Variants in MRPL44 observed in about 807,000 individuals in gnomAD.
The protein encoded by MRPL44 is mitochondrial ribosomal protein L44, also known as large ribosomal subunit protein mL44.
Under a neutral mutation model 25.9 loss-of-function variants are expected in MRPL44, and 21 were observed. The observed-to-expected ratio is 0.81, with a 90% CI of 0.58 to 1.17. The LOEUF (loss-of-function observed/expected upper bound fraction) is 1.17. Ranked by LOEUF, MRPL44 falls within the 50% of genes most tolerant of loss-of-function variation. The probability of loss-of-function intolerance (pLI) is 0.00; values close to 1 mark genes in which losing one functional copy is unlikely to be tolerated. For missense variants in MRPL44, 410 were observed against 398.9 expected (o/e 1.03, Z -0.24); for synonymous variants, 169 against 151.0 (o/e 1.12, Z -0.87).
upstream of MRPL44, chr2:223,957,325 C>T (rs527986503): frequency 7.2e-6 from 7 of 968,118 alleles, no homozygotes; most frequent in Admixed American, 6.3e-5. Flanking sequence ...TGTCTCCGCC[C>T]CTGCCCTCTC....
Position 223,959,852 on chromosome 2 carries a change from G to C in MRPL44, c.498G>C (p.Val166=). Reference sequence around the variant, plus strand: ...ACTTTCTCACTGGTGAGGAAGTCGTGTGTCACGTGGCTAGAAACTTGGCTG... The same window carrying C: ...ACTTTCTCACTGGTGAGGAAGTCGTCTGTCACGTGGCTAGAAACTTGGCTG... The part of the protein sequence containing the change: ...LVDFLTGEEV[V]CHVARNLAVE... The change falls in exon 2 of 4, where the codon GTG becomes GTC. Residue 166 remains valine (V), a synonymous_variant. Coordinates refer to ENST00000258383, the MANE Select transcript of MRPL44 (RefSeq NM_022915.5). The C allele has an allele frequency of 3.1e-6, 5 of 1,614,214 alleles. No homozygotes were observed. The highest frequency in any genetic ancestry group is 4.2e-6 in the Non-Finnish European group (5 of 1,180,038).
the MRPL44 span, among the ~76,000 whole-genome samples, chr2:223,952,389 GGTACCATCT>G: frequency 6.6e-6 from 1 of 152,120 alleles, no homozygotes; most frequent in Non-Finnish European, 1.5e-5. Flanking sequence ...CTTGTGCTCT[GGTACCATCT>G]GTTCCCTTTG....
In MRPL44 at chr2:223,963,903, G is replaced by T. The variant is rs1206293594; in HGVS notation, c.796G>T (p.Ala266Ser). 1 of 1,613,216 alleles carries T rather than the reference G, an allele frequency of 6.2e-7. No individual in the cohort carries two copies. ...RLTRQSGGTT[A>S]LPLYFVGLYC... Reference sequence around the variant, plus strand: ...TACTAGGCAGTCTGGTGGCACCACAGCTTTGCCTTTGTATTTTGTTGGCTT... The same window carrying T: ...TACTAGGCAGTCTGGTGGCACCACATCTTTGCCTTTGTATTTTGTTGGCTT... The change falls in exon 3 of 4, where the codon GCT (alanine) becomes TCT (serine). Residue 266 changes from alanine (A) to serine (S), a missense_variant. By Grantham distance (99) the Ala-to-Ser change is moderately conservative. Coordinates refer to ENST00000258383, the MANE Select transcript of MRPL44 (RefSeq NM_022915.5).
chr2:223,960,898 A>G (rs900316594), intron 2 of MRPL44, among the ~76,000 whole-genome samples: 24 of 152,228 alleles, frequency 1.6e-4, no homozygotes, highest in African/African-American at 5.3e-4. Flanking sequence ...TCATGAAACT[A>G]TGTTGGAAAT....
chr2:223,958,301 C>T (rs1293529619), intron 1 of MRPL44, among the ~76,000 whole-genome samples: 1 of 152,114 alleles, frequency 6.6e-6, no homozygotes, highest in East Asian at 1.9e-4. Context: ...CTATGAGCTC[C>T]ATATTATTGC....
chr2:223,960,992 G>C (rs1224764075), intron 2 of MRPL44, among the ~76,000 whole-genome samples: 1 of 152,180 alleles, frequency 6.6e-6, no homozygotes, highest in Admixed American at 6.5e-5. Context: ...TGTCTAAGTT[G>C]AGCTTTGATG....
At position 223,957,560 on chromosome 2, in the gene MRPL44, G is replaced by C. The variant is rs1175756810; in HGVS notation, c.88G>C (p.Gly30Arg). 1 of 1,613,870 alleles carries C rather than the reference G, an allele frequency of 6.2e-7. No homozygotes were observed. The highest frequency in any genetic ancestry group is 1.3e-5 in the African/African-American group (1 of 74,956). The change falls in exon 1 of 4, where the codon GGA becomes CGA. Residue 30 changes from glycine to arginine, a missense_variant. Gly to Arg is a moderately radical substitution (Grantham distance 125). Coordinates refer to ENST00000258383, the MANE Select transcript of MRPL44 (RefSeq NM_022915.5). The part of the protein sequence containing the change: ...VAPKLVPPVR[G>R]VKKGFRAAFR... ...CCCCAAGCTGGTCCCTCCGGTTCGG[G>C]GAGTGAAGAAGGGATTCCGCGCCGC... is the stretch of plus-strand genomic sequence containing the variant.
upstream of MRPL44, chr2:223,957,354 G>A: frequency 6.8e-6 from 9 of 1,332,396 alleles, no homozygotes; most frequent in South Asian, 1.1e-4. Flanking sequence ...CCCGCCCCGG[G>A]GGCTGTCTCC....
intron 2 of MRPL44, among the ~76,000 whole-genome samples, chr2:223,960,792 A>G (rs935341690): frequency 1.7e-4 from 26 of 152,344 alleles, no homozygotes; most frequent in African/African-American, 6.0e-4. Context: ...AGAAATTCTG[A>G]CAAAGTCCTT....
chr2:223,956,837 A>C (rs200534807), upstream of MRPL44, among the ~76,000 whole-genome samples: 2 of 136,896 alleles, frequency 1.5e-5, no homozygotes, highest in Admixed American at 1.4e-4. Flanking sequence ...GTTAACATAA[A>C]GAAGGAAGAA....
At chr2:223,959,392 A>T (rs1325538815) in intron 1 of MRPL44, 142 bp from the exon 2 acceptor site, 1 of 658,254 alleles carries the variant, frequency 1.5e-6, no homozygotes, top group African/African-American at 1.8e-5. Context: ...AACATTTAGA[A>T]TATCAACCTG....
intron 3 of MRPL44, among the ~76,000 whole-genome samples, chr2:223,966,129 A>G (rs1421340124): frequency 1.3e-5 from 2 of 152,012 alleles, no homozygotes; most frequent in African/African-American, 2.4e-5. Context: ...CCAGCTACTC[A>G]GGAGGCTGAG....
At chr2:223,959,445 A>G (rs1689621370) in intron 1 of MRPL44, 89 bp from the exon 2 acceptor site, 1 of 984,556 alleles carries the variant, frequency 1.0e-6, no homozygotes. Context: ...CCTTTATATA[A>G]TTAATAACAT....
At chr2:223,957,302 C>A, upstream of MRPL44, 1 of 748,110 alleles carries the variant, frequency 1.3e-6, no homozygotes, top group Non-Finnish European at 2.2e-6. Flanking sequence ...CCGCAATCAC[C>A]CCGCCCCGGG....
chr2:223,959,812 TA>T lies in MRPL44; in HGVS notation c.464del (p.Asn155IlefsTer24), dbSNP rs1363190274. On this transcript the variant is annotated frameshift_variant, in exon 2 of 4. Transcript: ENST00000258383. LOFTEE classifies it high-confidence loss of function. Reference sequence around the variant, plus strand: ...TACCCAGACATGCCCACTGAAGGCATAAAAAATCTTGTTGACTTTCTCACTG... The same window carrying T: ...TACCCAGACATGCCCACTGAAGGCATAAAAATCTTGTTGACTTTCTCACTG... ...DEYPDMPTEG[I>X]KNLVDFLTGE... The T allele has an allele frequency of 6.2e-7, 1 of 1,614,188 alleles. No individual in the cohort carries two copies. The highest frequency in any genetic ancestry group is 8.5e-7 in the Non-Finnish European group (1 of 1,180,026).
chr2:223,956,583 G>A (rs747133304), upstream of MRPL44, among the ~76,000 whole-genome samples: 154 of 152,148 alleles, frequency 1.0e-3, no homozygotes, highest in Non-Finnish European at 1.9e-3. Flanking sequence ...ACCGAAGAGG[G>A]GGTTTGTCGA....
chr2:223,960,048 A>G (rs1398607977), intron 2 of MRPL44, 46 bp downstream of exon 2: 1 of 1,425,268 alleles, frequency 7.0e-7, no homozygotes, highest in East Asian at 2.3e-5. Context: ...CAGAAGGGAA[A>G]ATATTCTTTT....
At chr2:223,953,191 GTGGTGCTATCTTGGCTCACTGCAAC>G (rs1317741289), upstream of MRPL44, among the ~76,000 whole-genome samples, 1 of 149,690 alleles carries the variant, frequency 6.7e-6, no homozygotes, top group Non-Finnish European at 1.5e-5. Context: ...CTCGAGTGCA[GTGGTGCTATCTTGGCTCACTGCAAC>G]CTCTAACTCC....
Position 223,962,812 on chromosome 2 carries a change from G to C in MRPL44, c.649-944G>C, listed in dbSNP as rs145276426. 6.8e-3 allele frequency among the ~76,000 whole-genome samples: 1,034 copies of C among 152,182 alleles called. 11 individuals carry two copies. The highest frequency in any genetic ancestry group is 0.023 in the African/African-American group (959 of 41,520). ...CACCTCCCAGGTTCAAGCAATTCTT[G>C]TGCCTTAGTCTCCCTTGTAGCTGGG... On this transcript the variant is annotated intron_variant, in intron 2 of 3. Transcript: ENST00000258383.
Sources: allele counts gnomAD v4.1 joint callset (sites outside exome capture counted in the v4.1 genomes callset), GRCh38; gene constraint gnomAD v4.1.1; transcripts MANE v1.5; gene names NCBI Gene and HGNC (gene_info 2026-07-23, HGNC 2026-07-21).